The following ELMO1 variants were observed in gnomAD, a reference collection of about 807,000 sequenced individuals.
The protein encoded by ELMO1 is engulfment and cell motility protein 1.
A neutral mutation model predicts 98.9 loss-of-function variants in ELMO1; 26 were observed. That is an observed-to-expected ratio of 0.26 (90% CI 0.19 to 0.36). The LOEUF is 0.36. Ranked by LOEUF, ELMO1 falls within the 10% of genes least tolerant of loss-of-function variation. The pLI, the probability that ELMO1 is intolerant of heterozygous loss-of-function variation, is 1.00. For missense variants in ELMO1, 627 were observed against 935.2 expected, an observed-to-expected ratio of 0.67 and a Z score of 4.30; for synonymous variants, 346 against 346.0, an observed-to-expected ratio of 1.00 and a Z score of 0.00.
intron 1 of ELMO1, among the ~76,000 whole-genome samples, chr7:37,380,162 T>G (rs542913109): frequency 6.6e-6 from 1 of 152,240 alleles, no homozygotes. Flanking sequence ...CTTCAGTCCA[T>G]GTACAGACTT....
intron 13 of ELMO1, among the ~76,000 whole-genome samples, chr7:37,143,358 C>T (rs1327182131): frequency 6.6e-6 from 1 of 152,196 alleles, no homozygotes; most frequent in Non-Finnish European, 1.5e-5. Context: ...GCAGGTTCTC[C>T]TCAATCAACG....
chr7:37,043,431 G>GCCAGGT (rs1795633975), intron 15 of ELMO1, among the ~76,000 whole-genome samples: 1 of 152,188 alleles, frequency 6.6e-6, no homozygotes, highest in South Asian at 2.1e-4. Context: ...GGCTGCCAGG[G>GCCAGGT]CCAGGTGTTG....
At chr7:37,053,205 T>C (rs6967500) in intron 15 of ELMO1, among the ~76,000 whole-genome samples, 36,847 of 151,634 alleles carry the variant, frequency 0.24, 5,387 homozygotes, top group African/African-American at 0.41. Flanking sequence ...ATCATAGCAA[T>C]GTCCATGAAA....
At chr7:37,238,112 T>C (rs773004594) in intron 7 of ELMO1, among the ~76,000 whole-genome samples, 2 of 152,200 alleles carry the variant, frequency 1.3e-5, no homozygotes, top group African/African-American at 2.4e-5. Flanking sequence ...ATGATATGCT[T>C]TGGCTCTGTG....
rs1788867466 is a variant in ELMO1 at position 37,157,492 on chromosome 7, CA to C, written c.1087-24259del. Among the ~76,000 whole-genome samples the C allele has an allele frequency of 2.6e-5, 4 of 152,176 alleles. No homozygotes were observed. The South Asian group carries it at 8.3e-4, about 32-fold the overall frequency. On this transcript the variant is annotated intron_variant, in intron 13 of 21. Coordinates refer to ENST00000310758, the MANE Select transcript of ELMO1 (RefSeq NM_014800.11). ...AGTCTCAGGATACAAAATCAATGTG[CA>C]AAAATCACAAGCATTCCTATGTACC...
At chr7:37,352,003 T>C (rs117214612) in intron 1 of ELMO1, among the ~76,000 whole-genome samples, 1,909 of 152,336 alleles carry the variant, frequency 0.013, 15 homozygotes, top group Non-Finnish European at 0.017. Flanking sequence ...CTCTGAGTTA[T>C]TTATAAATGC....
chr7:37,084,764 T>C (rs908661587), intron 15 of ELMO1, among the ~76,000 whole-genome samples: 2 of 151,970 alleles, frequency 1.3e-5, no homozygotes, highest in Non-Finnish European at 2.9e-5. Flanking sequence ...AATTCCTTTT[T>C]TTTTTTTTTT....
intron 16 of ELMO1, among the ~76,000 whole-genome samples, chr7:36,929,061 T>G (rs1785813500): frequency 6.6e-6 from 1 of 152,220 alleles, no homozygotes; most frequent in Non-Finnish European, 1.5e-5. Flanking sequence ...TGAGAGAGGT[T>G]AAGAGTTTTA....
chr7:37,382,163 T>A (rs1274195395), intron 1 of ELMO1, among the ~76,000 whole-genome samples: 1 of 152,190 alleles, frequency 6.6e-6, no homozygotes, highest in African/African-American at 2.4e-5. Context: ...AAAGAAAAGT[T>A]TCCTTCCTAC....
At chr7:37,191,519 GACAA>G (rs1296243549) in intron 13 of ELMO1, among the ~76,000 whole-genome samples, 12 of 151,974 alleles carry the variant, frequency 7.9e-5, no homozygotes, top group East Asian at 1.9e-4. Flanking sequence ...CCTCAATGTG[GACAA>G]ACAGTTACTC....
intron 1 of ELMO1, chr7:37,375,633 C>T: frequency 8.5e-7 from 1 of 1,176,068 alleles, no homozygotes; most frequent in Non-Finnish European, 1.3e-6. Context: ...AGCTGGCAGA[C>T]AAGAATGTGC....
intron 10 of ELMO1, among the ~76,000 whole-genome samples, chr7:37,219,720 C>A (rs1009882154): frequency 6.6e-6 from 1 of 152,162 alleles, no homozygotes; most frequent in Non-Finnish European, 1.5e-5. Context: ...CTGATTCTTA[C>A]CCGCTCAGTA....
chr7:37,039,368 G>C (rs2129193174), intron 15 of ELMO1, among the ~76,000 whole-genome samples: 1 of 152,334 alleles, frequency 6.6e-6, no homozygotes, highest in Admixed American at 6.5e-5. Context: ...GCCATGAGGA[G>C]GGGGAGATAC....
At chr7:37,331,532 C>T (rs1800123072) in intron 2 of ELMO1, among the ~76,000 whole-genome samples, 1 of 151,808 alleles carries the variant, frequency 6.6e-6, no homozygotes, top group African/African-American at 2.4e-5. Context: ...TTCTCACATA[C>T]ACCTGTTCAC....
chr7:37,124,498 A>G (rs1472446070), intron 14 of ELMO1, among the ~76,000 whole-genome samples: 1 of 152,164 alleles, frequency 6.6e-6, no homozygotes, highest in African/African-American at 2.4e-5. Context: ...ATAACAGACA[A>G]ACAGAGAGCT....
intron 2 of ELMO1, among the ~76,000 whole-genome samples, chr7:37,323,944 A>T (rs934110387): frequency 2.6e-5 from 4 of 151,878 alleles, no homozygotes; most frequent in African/African-American, 9.7e-5. Flanking sequence ...TTGATCTCTT[A>T]AAAAAAATAT....
chr7:37,308,783 C>T (rs1012921946), intron 4 of ELMO1, among the ~76,000 whole-genome samples: 1 of 152,206 alleles, frequency 6.6e-6, no homozygotes, highest in Non-Finnish European at 1.5e-5. Flanking sequence ...CCCAGATAAG[C>T]AGCCTGTCTA....
intron 16 of ELMO1, among the ~76,000 whole-genome samples, chr7:36,947,876 CCTGG>C (rs1787633077): frequency 6.6e-6 from 1 of 152,146 alleles, no homozygotes; most frequent in Admixed American, 6.5e-5. Flanking sequence ...GGATTCTTTT[CCTGG>C]CTGACTCTCT....
chr7:37,288,931 C>T (rs1214274706), intron 4 of ELMO1, among the ~76,000 whole-genome samples: 2 of 152,232 alleles, frequency 1.3e-5, no homozygotes, highest in Non-Finnish European at 2.9e-5. Context: ...CTACCACACT[C>T]TGCCCCCATG....
Sources: gnomAD v4.1 joint callset for allele counts (sites outside exome capture counted in the v4.1 genomes callset) on GRCh38, gnomAD v4.1.1 for gene constraint, MANE v1.5 for transcripts, NCBI Gene and HGNC (gene_info 2026-07-23, HGNC 2026-07-21) for gene names.